The following MYO5B variants were observed in gnomAD, a reference collection of about 807,000 sequenced individuals.
The protein encoded by MYO5B is myosin VB.
Under a neutral mutation model 229.3 loss-of-function variants are expected in MYO5B, and 143 were observed. That is an observed-to-expected ratio of 0.62 (90% CI 0.54 to 0.72). MYO5B has a LOEUF of 0.72. MYO5B is among the 30% of genes least tolerant of loss of function. MYO5B has a pLI of 0.00. For synonymous variants in MYO5B, 918 were observed against 885.2 expected, an observed-to-expected ratio of 1.04 and a Z score of -0.66; for missense variants, 2,321 against 2,331.0, an observed-to-expected ratio of 1.00 and a Z score of 0.09.
intron 18 of MYO5B, among the ~76,000 whole-genome samples, chr18:49,907,995 T>C (rs759555003): frequency 1.1e-4 from 16 of 152,180 alleles, no homozygotes; most frequent in Admixed American, 6.5e-4. Context: ...GGAGGCTCCA[T>C]GGCTCAGCCA....
intron 1 of MYO5B, among the ~76,000 whole-genome samples, chr18:50,067,556 G>A (rs568040420): frequency 3.4e-4 from 52 of 152,288 alleles, no homozygotes; most frequent in African/African-American, 1.2e-3. Flanking sequence ...TTGGTCACGT[G>A]TGCAGACCCC....
intron 22 of MYO5B, among the ~76,000 whole-genome samples, chr18:49,881,058 C>T (rs1347021296): frequency 6.6e-6 from 1 of 152,238 alleles, no homozygotes; most frequent in Non-Finnish European, 1.5e-5. Flanking sequence ...GAGCTAAAAG[C>T]TCAGGGCCCT....
intron 39 of MYO5B, among the ~76,000 whole-genome samples, chr18:49,827,697 A>C (rs1223404840): frequency 2.0e-5 from 3 of 152,094 alleles, no homozygotes; most frequent in Non-Finnish European, 4.4e-5. Context: ...CATCAAGTAT[A>C]CCAACATACA....
At chr18:50,045,565 T>C (rs1254422913) in intron 2 of MYO5B, among the ~76,000 whole-genome samples, 1 of 152,168 alleles carries the variant, frequency 6.6e-6, no homozygotes, top group East Asian at 1.9e-4. Context: ...GGCTAATTTT[T>C]GTATTTTTGG....
intron 1 of MYO5B, among the ~76,000 whole-genome samples, chr18:50,063,031 G>A (rs1318561692): frequency 6.6e-6 from 1 of 152,116 alleles, no homozygotes; most frequent in Non-Finnish European, 1.5e-5. Flanking sequence ...CATTTTAAGT[G>A]CTTAGTAGTT....
chr18:50,023,562 A>C (rs8086954), intron 4 of MYO5B, among the ~76,000 whole-genome samples: 4,713 of 152,296 alleles, frequency 0.031, 227 homozygotes, highest in African/African-American at 0.1. Flanking sequence ...TACGGAAGCC[A>C]CATTTTGTGA....
chr18:49,917,948 A>G (rs2025034714), intron 17 of MYO5B, among the ~76,000 whole-genome samples: 2 of 152,190 alleles, frequency 1.3e-5, no homozygotes, highest in Admixed American at 1.3e-4. Flanking sequence ...TGGTAGGAAG[A>G]GGGAGAGATC....
chr18:50,071,095 A>G (rs1422112530), intron 1 of MYO5B, among the ~76,000 whole-genome samples: 3 of 152,170 alleles, frequency 2.0e-5, no homozygotes, highest in African/African-American at 7.2e-5. Context: ...AAATACTGAG[A>G]TTACAGGTGT....
chr18:49,980,676 T>C (rs1285894569), intron 8 of MYO5B, 123 bp from the exon 9 acceptor site: 2 of 721,790 alleles, frequency 2.8e-6, no homozygotes, highest in African/African-American at 1.8e-5. Context: ...ACCCGATGAC[T>C]CCTAAAATGA....
Position 50,087,018 on chromosome 18 carries a change from T to C in MYO5B, c.28-31640A>G, listed in dbSNP as rs139966289. Among the ~76,000 whole-genome samples the C allele has an allele frequency of 2.0e-4, 31 of 152,314 alleles. No homozygotes were observed. In the East Asian group the frequency reaches 5.6e-3, roughly 27 times the overall value. Reference sequence around the variant, plus strand: ...AAATTGTGAAAGAGACTCACAATAATAGCACACCTGAAACTGCTAAGTGAG... The same window carrying C: ...AAATTGTGAAAGAGACTCACAATAACAGCACACCTGAAACTGCTAAGTGAG... On this transcript the variant is annotated intron_variant, in intron 1 of 39. Transcript: ENST00000285039.
intron 1 of MYO5B, among the ~76,000 whole-genome samples, chr18:50,072,291 T>C (rs752906458): frequency 1.1e-4 from 17 of 151,312 alleles, no homozygotes; most frequent in African/African-American, 2.9e-4. Context: ...ACACAGACAA[T>C]AGGCCACAGT....
At chr18:50,145,317 C>T (rs1010497029) in intron 1 of MYO5B, among the ~76,000 whole-genome samples, 11 of 151,786 alleles carry the variant, frequency 7.2e-5, no homozygotes, top group African/African-American at 2.7e-4. Context: ...GAAACCCCGT[C>T]TCTACTAAAA....
chr18:50,172,656 C>G (rs1455225316), intron 1 of MYO5B, among the ~76,000 whole-genome samples: 4 of 152,198 alleles, frequency 2.6e-5, no homozygotes, highest in African/African-American at 4.8e-5. Context: ...TACCAAGCAC[C>G]TTCTATGTGC....
intron 1 of MYO5B, among the ~76,000 whole-genome samples, chr18:50,122,460 A>AAAAAAAAAAAAAG (rs2032075665): frequency 6.7e-6 from 1 of 148,450 alleles, no homozygotes; most frequent in African/African-American, 2.5e-5. Context: ...AAAAAAAAAA[A>AAAAAAAAAAAAAG]ATCAGCCAGG....
intron 10 of MYO5B, among the ~76,000 whole-genome samples, chr18:49,972,655 G>A (rs554229670): frequency 2.8e-4 from 42 of 152,192 alleles, no homozygotes; most frequent in Non-Finnish European, 4.9e-4. Flanking sequence ...TCAGTATTTT[G>A]GGATATCCAA....
chr18:49,837,565 A>C lies in MYO5B; in HGVS notation c.5090T>G (p.Leu1697Arg). ...YMINAVTLNN[L>R]LLRKDVCSWS... ...AGAGCAGACGTCCTTCCGCAAGAGC[A>C]GGTTGTTAAGAGTCACTGCGTTGAT... Residue 1697 changes from leucine (L) to arginine (R), a missense_variant, in exon 37 of 40, where the codon CTG (leucine) becomes CGG (arginine). Leu to Arg is a moderately radical substitution (Grantham distance 102). Around this residue, in one of 2 missense-constraint regions of MYO5B, gnomAD observed 208 missense variants for 286.3 expected, o/e 0.73. Coordinates refer to ENST00000285039, the MANE Select transcript of MYO5B (RefSeq NM_001080467.3). 6.2e-7 allele frequency: 1 copy of C among 1,613,996 alleles called. No individual in the cohort carries two copies. The highest frequency in any genetic ancestry group is 8.5e-7 in the Non-Finnish European group (1 of 1,179,864).
chr18:49,985,128 C>T (rs1395021802), intron 7 of MYO5B, among the ~76,000 whole-genome samples: 2 of 152,180 alleles, frequency 1.3e-5, no homozygotes, highest in South Asian at 2.1e-4. Flanking sequence ...TAATAGGATT[C>T]ATCACAGATT....
At chr18:50,058,378 G>C (rs1168646194) in intron 1 of MYO5B, among the ~76,000 whole-genome samples, 1 of 152,180 alleles carries the variant, frequency 6.6e-6, no homozygotes, top group Non-Finnish European at 1.5e-5. Flanking sequence ...GCTGAGGCAT[G>C]AGGGTCCCTG....
Position 49,934,235 on chromosome 18 carries a change from T to C in MYO5B, c.2003+2017A>G, listed in dbSNP as rs542676410. Among the ~76,000 whole-genome samples the C allele has an allele frequency of 9.2e-5, 14 of 152,188 alleles. 1 individual carries two copies. In the South Asian group the frequency reaches 2.5e-3, roughly 27 times the overall value. On this transcript the variant is annotated intron_variant, in intron 16 of 39. Transcript: ENST00000285039. ...AGAGAGCAAAAGACTAGCTTGCGAC[T>C]GGCCAAATCAGCAGTGAGCTCAAAC... is the stretch of plus-strand genomic sequence containing the variant.
Sources: allele counts gnomAD v4.1 joint callset (sites outside exome capture counted in the v4.1 genomes callset), GRCh38; gene constraint gnomAD v4.1.1; regional missense constraint gnomAD v4.1.1; transcripts MANE v1.5; gene names NCBI Gene and HGNC (gene_info 2026-07-23, HGNC 2026-07-21).